The following SLC18A1 variants were observed in gnomAD, a reference collection of about 807,000 sequenced individuals.
SLC18A1 encodes chromaffin granule amine transporter.
SLC18A1 carries 69 observed loss-of-function variants against 53.7 expected under a neutral mutation model. The observed-to-expected ratio is 1.28, with a 90% CI of 1.06 to 1.57. The LOEUF (loss-of-function observed/expected upper bound fraction) is 1.57. Among genes scored for constraint, SLC18A1 ranks in the 40% most tolerant of loss-of-function variants. The probability of loss-of-function intolerance (pLI) is 0.00; values close to 1 mark genes in which losing one functional copy is unlikely to be tolerated. For synonymous variants in SLC18A1, 320 were observed against 248.1 expected (o/e 1.29, Z -2.72); for missense variants, 932 against 668.1 (o/e 1.40, Z -4.35).
intron 10 of SLC18A1, among the ~76,000 whole-genome samples, chr8:20,158,513 C>T (rs529555911): frequency 7.9e-5 from 12 of 152,176 alleles, no homozygotes; most frequent in Middle Eastern, 3.4e-3. Context: ...ATGCCCGTCC[C>T]GTTCAAGTTA....
Position 20,145,710 on chromosome 8 carries a change from A to C in SLC18A1, c.*53T>G, listed in dbSNP as rs549671199. On this transcript the variant is annotated 3_prime_UTR_variant, in exon 16 of 16. Coordinates refer to ENST00000276373, the MANE Select transcript of SLC18A1 (RefSeq NM_003053.4). ...GGCTCAGCCATGGTGATCTGGTCCCAGGGAAAGAGGTGGTCACTGAGGCAT... is the reference window on the plus strand; with the variant it reads ...GGCTCAGCCATGGTGATCTGGTCCCCGGGAAAGAGGTGGTCACTGAGGCAT... The C allele has an allele frequency of 8.5e-5, 101 of 1,186,502 alleles. No individual in the cohort carries two copies. The African/African-American group carries it at 1.3e-3, about 15-fold the overall frequency. 73.5% of individuals were successfully genotyped at this position (1,186,502 alleles called of 1,614,324 possible). A position where few individuals can be genotyped will look rare whatever the true frequency, so the allele number is the denominator to read the frequency against.
At chr8:20,167,677 G>T (rs948469210) in intron 8 of SLC18A1, among the ~76,000 whole-genome samples, 1 of 152,068 alleles carries the variant, frequency 6.6e-6, no homozygotes, top group Non-Finnish European at 1.5e-5. Flanking sequence ...CTGGAGTGCA[G>T]TGGCATGATC....
In SLC18A1 at chr8:20,149,727, C is replaced by A; in HGVS notation, c.1095G>T (p.Arg365=). 1 of 1,613,808 alleles carries A rather than the reference C, an allele frequency of 6.2e-7. No homozygotes were observed. The highest frequency in any genetic ancestry group is 8.5e-7 in the Non-Finnish European group (1 of 1,179,926). ...LFGVLANKMG[R]WLCSLIGMLV... Reference sequence around the variant, plus strand: ...GCATCCCGATTAGGGAACACAGCCACCTGGAAGAAAAAAGCCATCATCAAA... The same window carrying A: ...GCATCCCGATTAGGGAACACAGCCAACTGGAAGAAAAAAGCCATCATCAAA... Residue 365 remains arginine (R), a splice_region_variant and synonymous_variant, in exon 12 of 16, where the codon CGG becomes CGT. Coordinates refer to ENST00000276373, the MANE Select transcript of SLC18A1 (RefSeq NM_003053.4).
chr8:20,158,301 C>T (rs556310782), intron 10 of SLC18A1, among the ~76,000 whole-genome samples: 17 of 152,316 alleles, frequency 1.1e-4, no homozygotes, highest in African/African-American at 3.6e-4. Flanking sequence ...TAAGTTGTGA[C>T]TGGAGAACTT....
intron 8 of SLC18A1, among the ~76,000 whole-genome samples, chr8:20,168,731 C>T (rs2072036385): frequency 6.6e-6 from 1 of 152,068 alleles, no homozygotes; most frequent in Admixed American, 6.5e-5. Flanking sequence ...CCATGCCCAG[C>T]TAATTTTTTT....
chr8:20,149,587 T>TA, intron 12 of SLC18A1, 89 bp downstream of exon 12: 1 of 888,538 alleles, frequency 1.1e-6, no homozygotes, highest in African/African-American at 2.2e-5. Flanking sequence ...TCTCTCTCTC[T>TA]CCCTCTCTCT....
Position 20,146,863 on chromosome 8 carries a change from C to T in SLC18A1, c.1464+395G>A, listed in dbSNP as rs79699077. 7.1e-3 allele frequency among the ~76,000 whole-genome samples: 1,067 copies of T among 150,532 alleles called. 15 individuals are homozygous for T. Among genetic ancestry groups the T allele is most frequent in the African/African-American group, 0.025 (1,013 of 40,960 alleles). On this transcript the variant is annotated intron_variant, in intron 15 of 15. Transcript: ENST00000276373. ...AAGTGACCTGGTAAGGATAATGTTG[C>T]ACTAGAGTGAATGAGTGGATGAACG...
chr8:20,163,658 C>T (rs2071884899), intron 10 of SLC18A1, among the ~76,000 whole-genome samples: 1 of 152,170 alleles, frequency 6.6e-6, no homozygotes, highest in Non-Finnish European at 1.5e-5. Flanking sequence ...TGCAGACTTA[C>T]TAGGGATGAA....
chr8:20,181,970 T>A (rs536635594), intron 1 of SLC18A1: 1 of 152,360 alleles, frequency 6.6e-6, no homozygotes, highest in East Asian at 1.9e-4. Flanking sequence ...AATAAAATAT[T>A]GACTTTCATG....
intron 10 of SLC18A1, among the ~76,000 whole-genome samples, chr8:20,152,350 G>C (rs1240112516): frequency 6.6e-6 from 1 of 152,206 alleles, no homozygotes; most frequent in Non-Finnish European, 1.5e-5. Flanking sequence ...AGAAGAATGG[G>C]TTCATGGGAC....
chr8:20,147,672 G>A lies in SLC18A1; in HGVS notation c.1261C>T (p.Arg421Cys), dbSNP rs141967734. 2.7e-5 allele frequency: 44 copies of A among 1,613,796 alleles called. No homozygotes were observed. The highest frequency in any genetic ancestry group is 1.6e-4 in the Middle Eastern group (1 of 6,072). The change falls in exon 14 of 16, where the codon CGC (arginine) becomes TGC (cysteine). Residue 421 changes from arginine to cysteine, a missense_variant. Transcript: ENST00000276373. Reference protein sequence around the residue: ...MPIMGHLVDLRHTSVYGSVYA... With the variant: ...MPIMGHLVDLCHTSVYGSVYA... ...ACACTCCCATACACCGAGGTGTGGC[G>A]TAGATCCACCAGGTGCCCCATGATG...
intron 8 of SLC18A1, among the ~76,000 whole-genome samples, chr8:20,168,497 T>G (rs1220185429): frequency 6.6e-6 from 1 of 152,288 alleles, no homozygotes; most frequent in Admixed American, 6.5e-5. Context: ...TACATAAAAT[T>G]ATTATATACC....
At position 20,164,938 on chromosome 8, in the gene SLC18A1, C is replaced by A. The variant is rs761479990; in HGVS notation, c.946G>T (p.Val316Leu). Residue 316 changes from valine to leucine, a missense_variant, in exon 10 of 16, where the codon GTG becomes TTG. Physicochemically the swap from Val to Leu is conservative, Grantham distance 32. Transcript: ENST00000276373. ...AGSICFANMG[V>L]AILEPTLPIW... Reference sequence around the variant, plus strand: ...GGCAGTGTGGGCTCCAGGATGGCCACCCCCATGTTGGCAAAGCAGATGGAC... The same window carrying A: ...GGCAGTGTGGGCTCCAGGATGGCCAACCCCATGTTGGCAAAGCAGATGGAC... 3.1e-6 allele frequency: 5 copies of A among 1,613,752 alleles called. No individual in the cohort carries two copies. The highest frequency in any genetic ancestry group is 2.7e-5 in the African/African-American group (2 of 74,882).
Position 20,150,707 on chromosome 8 carries a change from A to C in SLC18A1, c.1053T>G (p.Ile351Met). The stretch of plus-strand genomic sequence containing the variant: ...CCAACACACCAAAGAGGTTGGTGCC[A>C]ATGAGGTAGGACACACTGGCAGGCA... Reference protein sequence around the residue: ...AFLPASVSYLIGTNLFGVLAN... With the variant: ...AFLPASVSYLMGTNLFGVLAN... The change falls in exon 11 of 16, where the codon ATT becomes ATG. Residue 351 changes from isoleucine (I) to methionine (M), a missense_variant. Physicochemically the swap from Ile to Met is conservative, Grantham distance 10. Transcript: ENST00000276373. The C allele has an allele frequency of 6.2e-7, 1 of 1,614,180 alleles. No homozygotes were observed. The highest frequency in any genetic ancestry group is 8.5e-7 in the Non-Finnish European group (1 of 1,180,018).
intron 12 of SLC18A1, among the ~76,000 whole-genome samples, 193 bp from the exon 13 acceptor site, chr8:20,148,263 C>A (rs921187807): frequency 6.6e-6 from 1 of 152,274 alleles, no homozygotes; most frequent in South Asian, 2.1e-4. Flanking sequence ...ACTTGACCAG[C>A]GCTGTTGTGT....
chr8:20,170,757 G>A (rs2072092534), intron 8 of SLC18A1, among the ~76,000 whole-genome samples: 1 of 149,148 alleles, frequency 6.7e-6, no homozygotes, highest in African/African-American at 2.4e-5. Context: ...ACATGTGTGT[G>A]TGCACATATA....
rs574908814 is a variant in SLC18A1 at position 20,147,360 on chromosome 8, G to A, written c.1362C>T (p.Ala454=). 6.2e-6 allele frequency: 10 copies of A among 1,612,838 alleles called. No homozygotes were observed. In the African/African-American group the frequency reaches 6.7e-5, roughly 11 times the overall value. ...GPSTGGAIVK[A]IGFPWLMVIT... ...TGACCATGAGCCAGGGAAAACCGATGGCCTTTACAATGGCACCACCGGTGG... is the reference window on the plus strand; with the variant it reads ...TGACCATGAGCCAGGGAAAACCGATAGCCTTTACAATGGCACCACCGGTGG... The change falls in exon 15 of 16, where the codon GCC becomes GCT. Residue 454 remains alanine, a synonymous_variant. Transcript: ENST00000276373.
intron 4 of SLC18A1, among the ~76,000 whole-genome samples, chr8:20,177,826 C>T (rs1322600504): frequency 2.0e-5 from 3 of 152,136 alleles, no homozygotes; most frequent in African/African-American, 7.2e-5. Context: ...TCCAGACTTA[C>T]TTTTCTCATG....
At chr8:20,161,840 G>A (rs1352965579) in intron 10 of SLC18A1, among the ~76,000 whole-genome samples, 3 of 152,178 alleles carry the variant, frequency 2.0e-5, no homozygotes, top group South Asian at 2.1e-4. Context: ...CCCCATGTCT[G>A]TGGTCTTTCC....
Sources: gnomAD v4.1 joint callset for allele counts (sites outside exome capture counted in the v4.1 genomes callset) on GRCh38, gnomAD v4.1.1 for gene constraint, MANE v1.5 for transcripts, NCBI Gene and HGNC (gene_info 2026-07-23, HGNC 2026-07-21) for gene names.